KCNH4: variants seen among roughly 807,000 people sequenced by gnomAD.
KCNH4 encodes the protein voltage-gated delayed rectifier potassium channel KCNH4.
KCNH4 carries 33 observed loss-of-function variants against 90.7 expected under a neutral mutation model. The observed-to-expected ratio is 0.36, with a 90% CI of 0.28 to 0.49. The LOEUF (loss-of-function observed/expected upper bound fraction) is 0.49. KCNH4 is among the 20% of genes least tolerant of loss of function. The pLI is 0.98. For missense variants in KCNH4, 1,044 were observed against 1,387.1 expected, an observed-to-expected ratio of 0.75 and a Z score of 3.93; for synonymous variants, 551 against 581.7, an observed-to-expected ratio of 0.95 and a Z score of 0.76.
At position 42,169,666 on chromosome 17, in the gene KCNH4, G is replaced by A. The variant is rs139967980; in HGVS notation, c.1401C>T (p.His467=). ...CTGTCACGTTCCCGAACACCACAGCGTGCATCAGGGCTGCAGCAGCAGCAG... is the reference window on the plus strand; with the variant it reads ...CTGTCACGTTCCCGAACACCACAGCATGCATCAGGGCTGCAGCAGCAGCAG... The part of the protein sequence containing the change: ...ICTMLIGALM[H]AVVFGNVTAI... Residue 467 remains histidine, a synonymous_variant, in exon 9 of 17, where the codon CAC becomes CAT. Coordinates refer to ENST00000264661, the MANE Select transcript of KCNH4 (RefSeq NM_012285.3). The A allele has an allele frequency of 1.4e-4, 232 of 1,613,636 alleles. No homozygotes were observed. The highest frequency in any genetic ancestry group is 1.8e-4 in the Non-Finnish European group (213 of 1,179,928).
Position 42,178,312 on chromosome 17 carries a change from C to T in KCNH4, c.457+19G>A, listed in dbSNP as rs2079877011. On this transcript the variant is annotated intron_variant, in intron 3 of 16. Coordinates refer to ENST00000264661, the MANE Select transcript of KCNH4 (RefSeq NM_012285.3). ...AAGGCTTCTGACCATTCACACTGCC[C>T]GTCCGGACTTGCTGTTACCGTGATT... 1 of 1,614,024 alleles carries T rather than the reference C, an allele frequency of 6.2e-7. No individual in the cohort carries two copies. The highest frequency in any genetic ancestry group is 1.7e-5 in the Admixed American group (1 of 60,012).
rs1427089580 is a variant in KCNH4 at position 42,163,712 on chromosome 17, G to A, written c.2371C>T (p.His791Tyr). 3 of 1,518,048 alleles carry A rather than the reference G, an allele frequency of 2.0e-6. No homozygotes were observed. The highest frequency in any genetic ancestry group is 2.8e-5 in the African/African-American group (2 of 71,498). The allele number at this position is 1,518,048 out of a possible 1,614,324, so 94.0% of individuals were successfully genotyped here. ...GGGGGGCCGTGAGGGGAGGCACTGT[G>A]GCCCTGGCCAGCCAGGGCAGGGGAC... The part of the protein sequence containing the change: ...SLSPALAGQG[H>Y]SASPHGPPRC... Residue 791 changes from histidine (H) to tyrosine (Y), a missense_variant, in exon 13 of 17, where the codon CAC becomes TAC. Physicochemically the swap from His to Tyr is moderately conservative, Grantham distance 83 (BLOSUM62 2). This residue lies in a region of KCNH4 where 441 missense variants were observed against 512.3 expected (regional missense o/e 0.86). Transcript: ENST00000264661. This position sits in a 1 kb window ranked among gnomAD's most constrained non-coding sequence, Gnocchi z 5.4.
chr17:42,165,329 G>T, intron 11 of KCNH4, 120 bp downstream of exon 11: 1 of 1,263,930 alleles, frequency 7.9e-7, no homozygotes, highest in Non-Finnish European at 1.1e-6. Context: ...GGAGGAGGGT[G>T]CCTGGGCTTC....
chr17:42,169,399 A>T (rs1301727247), intron 9 of KCNH4, 78 bp downstream of exon 9: 2 of 1,336,550 alleles, frequency 1.5e-6, no homozygotes, highest in African/African-American at 2.9e-5. Context: ...TTTAAGCTAC[A>T]GGGGCAGCGA....
intron 10 of KCNH4, 129 bp from the exon 11 acceptor site, chr17:42,165,822 G>A: frequency 9.2e-7 from 1 of 1,086,550 alleles, no homozygotes. Context: ...CAGTCAATGG[G>A]ATTGGTGGAA....
chr17:42,174,067 T>C (rs926449928), intron 6 of KCNH4, among the ~76,000 whole-genome samples: 2 of 152,060 alleles, frequency 1.3e-5, no homozygotes, highest in Non-Finnish European at 2.9e-5. Flanking sequence ...AAGCAATTCT[T>C]GTACCTCATC....
chr17:42,179,957 G>T (rs1046805275), intron 1 of KCNH4, among the ~76,000 whole-genome samples: 1 of 152,250 alleles, frequency 6.6e-6, no homozygotes, highest in Non-Finnish European at 1.5e-5. Flanking sequence ...ACCAGTCCTG[G>T]TGCTCTAGGA....
intron 1 of KCNH4, among the ~76,000 whole-genome samples, 192 bp from the exon 2 acceptor site, chr17:42,179,218 T>C (rs2079885167): frequency 1.3e-5 from 2 of 152,216 alleles, no homozygotes; most frequent in Admixed American, 1.3e-4. Flanking sequence ...AGACAAGGAC[T>C]TGAGACAGGA....
chr17:42,162,634 C>T (rs981277091), intron 14 of KCNH4, among the ~76,000 whole-genome samples: 3 of 151,800 alleles, frequency 2.0e-5, no homozygotes, highest in Admixed American at 6.6e-5. Context: ...ACTCTGTTGC[C>T]CAGGGTGGAG....
In KCNH4 at chr17:42,181,050, T is replaced by C; in HGVS notation, c.-105A>G. The stretch of plus-strand genomic sequence containing the variant: ...GGCCGGGGCGCCCCATGCGCCCTCC[T>C]GCCTCCTCCCCTCCCTCTTACTGCC... On this transcript the variant is annotated 5_prime_UTR_variant, in exon 1 of 17. Coordinates refer to ENST00000264661, the MANE Select transcript of KCNH4 (RefSeq NM_012285.3). 1 of 944,744 alleles carries C rather than the reference T, an allele frequency of 1.1e-6. No individual in the cohort carries two copies. The highest frequency in any genetic ancestry group is 1.6e-6 in the Non-Finnish European group (1 of 629,298). 58.5% of individuals were successfully genotyped at this position (944,744 alleles called of 1,614,324 possible). A position where few individuals can be genotyped will look rare whatever the true frequency, so the allele number is the denominator to read the frequency against.
At chr17:42,166,635 T>C in intron 9 of KCNH4, 89 bp from the exon 10 acceptor site, 1 of 1,491,780 alleles carries the variant, frequency 6.7e-7, no homozygotes, top group African/African-American at 1.4e-5. Context: ...AAAGAGAGAA[T>C]TCCTCTTGCC....
chr17:42,177,334 C>T (rs1253836942), intron 4 of KCNH4, among the ~76,000 whole-genome samples: 1 of 152,078 alleles, frequency 6.6e-6, no homozygotes, highest in Non-Finnish European at 1.5e-5. Context: ...CAGGCATCAG[C>T]CACTGCGCCT....
chr17:42,168,398 C>G (rs1042639823), intron 9 of KCNH4, among the ~76,000 whole-genome samples: 4 of 152,196 alleles, frequency 2.6e-5, no homozygotes, highest in African/African-American at 9.7e-5. Flanking sequence ...GTAATCCCAG[C>G]AAATTGGGAG....
chr17:42,168,596 A>G (rs945305147), intron 9 of KCNH4, among the ~76,000 whole-genome samples: 2 of 152,068 alleles, frequency 1.3e-5, no homozygotes. Flanking sequence ...GTGAGCTGAG[A>G]GCACACCACT....
chr17:42,163,549 A>G lies in KCNH4; in HGVS notation c.2477+57T>C. 1 of 861,216 alleles carries G rather than the reference A, an allele frequency of 1.2e-6. No individual in the cohort carries two copies. Among genetic ancestry groups the G allele is most frequent in the Non-Finnish European group, 1.8e-6 (1 of 545,918 alleles). 53.3% of individuals were successfully genotyped at this position (861,216 alleles called of 1,614,324 possible). On this transcript the variant is annotated intron_variant, in intron 13 of 16. Transcript: ENST00000264661. This position sits in a 1 kb window ranked among gnomAD's most constrained non-coding sequence, Gnocchi z 5.4. ...TTGGAACGCCAGGGATAGAGCCCAGAGAAGGTTCTGGAAGCCAATAGGGGT... is the reference window on the plus strand; with the variant it reads ...TTGGAACGCCAGGGATAGAGCCCAGGGAAGGTTCTGGAAGCCAATAGGGGT...
At chr17:42,164,964 G>C (rs1046621196) in intron 11 of KCNH4, among the ~76,000 whole-genome samples, 7 of 151,286 alleles carry the variant, frequency 4.6e-5, no homozygotes, top group South Asian at 2.1e-4. Flanking sequence ...AAATTAGCAG[G>C]GTGTGGTGGT....
In KCNH4 at chr17:42,180,976, C is replaced by G; in HGVS notation, c.-31G>C. ...CGGGGCGTGGGTTCAAGGCGCGGCG[C>G]TGGGGAGCTTTCAGCGCGGCCGGGC... is the stretch of plus-strand genomic sequence containing the variant. On this transcript the variant is annotated 5_prime_UTR_variant, in exon 1 of 17. Transcript: ENST00000264661. The surrounding 1 kb of genome is among the most constrained non-coding windows in gnomAD (Gnocchi z 4.7). 1 of 1,598,950 alleles carries G rather than the reference C, an allele frequency of 6.3e-7. No homozygotes were observed. Among genetic ancestry groups the G allele is most frequent in the Middle Eastern group, 1.7e-4 (1 of 5,768 alleles).
Position 42,178,854 on chromosome 17 carries a change from C to A in KCNH4, c.249G>T (p.Leu83=), listed in dbSNP as rs1421525869. ...PETSEPALQR[L]HKALEGHQEH... is the part of the protein sequence containing the mutation. ...CCTGGTGGCCCTCCAGGGCTTTGTG[C>A]AGACGCTGCAGGGCTGGCTCACTGG... is the stretch of plus-strand genomic sequence containing the variant. The change falls in exon 2 of 17, where the codon CTG becomes CTT. Residue 83 remains leucine, a synonymous_variant. Coordinates refer to ENST00000264661, the MANE Select transcript of KCNH4 (RefSeq NM_012285.3). 2.5e-6 allele frequency: 4 copies of A among 1,613,992 alleles called. No homozygotes were observed. The Admixed American group carries it at 5.0e-5, about 20-fold the overall frequency.
chr17:42,179,157 G>C, intron 1 of KCNH4, 131 bp from the exon 2 acceptor site: 1 of 641,006 alleles, frequency 1.6e-6, no homozygotes, highest in South Asian at 1.9e-5. Flanking sequence ...TGTTGCTCCT[G>C]ACCCCACTTT....
Sources: allele counts gnomAD v4.1 joint callset (sites outside exome capture counted in the v4.1 genomes callset), GRCh38; gene constraint gnomAD v4.1.1; regional missense constraint gnomAD v4.1.1; non-coding constraint Gnocchi (gnomAD v3.1); transcripts MANE v1.5; gene names NCBI Gene and HGNC (gene_info 2026-07-23, HGNC 2026-07-21).